SORCS1: variants seen among roughly 807,000 people sequenced by gnomAD.
SORCS1 encodes VPS10 domain-containing receptor SorCS1.
A neutral mutation model predicts 146.1 loss-of-function variants in SORCS1; 60 were observed. The ratio of observed to expected loss-of-function variants is 0.41; its 90% CI spans 0.33 to 0.51. SORCS1 has a LOEUF of 0.51. Among genes scored for constraint, SORCS1 ranks in the 20% least tolerant of loss-of-function variants. The probability of loss-of-function intolerance (pLI) is 0.21; values close to 1 mark genes in which losing one functional copy is unlikely to be tolerated. For missense variants in SORCS1, 1,352 were observed against 1,487.6 expected, an observed-to-expected ratio of 0.91 and a Z score of 1.50; for synonymous variants, 637 against 584.0, an observed-to-expected ratio of 1.09 and a Z score of -1.31.
chr10:106,921,793 C>A (rs971004799), intron 2 of SORCS1, among the ~76,000 whole-genome samples: 1 of 152,174 alleles, frequency 6.6e-6, no homozygotes, highest in Non-Finnish European at 1.5e-5. Context: ...ACCAGGTAAG[C>A]AAGCTGACAC....
intron 5 of SORCS1, among the ~76,000 whole-genome samples, chr10:106,741,795 G>A (rs936918691): frequency 4.6e-5 from 7 of 152,020 alleles, no homozygotes; most frequent in African/African-American, 1.4e-4. Flanking sequence ...TAAATAGCAG[G>A]GTTTCTAAGT....
At chr10:106,957,878 G>T (rs554408453) in intron 1 of SORCS1, among the ~76,000 whole-genome samples, 1 of 152,130 alleles carries the variant, frequency 6.6e-6, no homozygotes, top group Non-Finnish European at 1.5e-5. Flanking sequence ...TTTATTAGGA[G>T]CCCAGGATTT....
At chr10:106,847,913 C>T (rs1949372292) in intron 2 of SORCS1, among the ~76,000 whole-genome samples, 1 of 150,590 alleles carries the variant, frequency 6.6e-6, no homozygotes, top group African/African-American at 2.5e-5. Context: ...GATTCTTAAT[C>T]CTGAATTCTA....
chr10:106,730,488 C>T (rs1237687239), intron 5 of SORCS1, among the ~76,000 whole-genome samples: 2 of 152,176 alleles, frequency 1.3e-5, no homozygotes, highest in South Asian at 2.1e-4. Context: ...ACTTGATCAG[C>T]GATTCCCATA....
At chr10:106,742,383 C>T (rs57137309) in intron 5 of SORCS1, among the ~76,000 whole-genome samples, 33,309 of 151,776 alleles carry the variant, frequency 0.22, 4,546 homozygotes, top group East Asian at 0.48. Context: ...GATAATTTTA[C>T]ACAATTTTTT....
In SORCS1 at chr10:106,990,849, T is replaced by C. The variant is rs554562863; in HGVS notation, c.559-34269A>G. 4.2e-4 allele frequency among the ~76,000 whole-genome samples: 64 copies of C among 152,336 alleles called. 1 individual carries two copies. Among genetic ancestry groups the C allele is most frequent in the Admixed American group, 9.2e-4 (14 of 15,296 alleles). Reference sequence around the variant, plus strand: ...AAAATAAAATCTCATTAAAAGAGGTTGTAACTTAAGAAAATGTATAAATAC... The same window carrying C: ...AAAATAAAATCTCATTAAAAGAGGTCGTAACTTAAGAAAATGTATAAATAC... On this transcript the variant is annotated intron_variant, in intron 1 of 25. Transcript: ENST00000263054.
At chr10:107,067,844 T>A (rs1411947658) in intron 1 of SORCS1, among the ~76,000 whole-genome samples, 1 of 152,214 alleles carries the variant, frequency 6.6e-6, no homozygotes, top group Admixed American at 6.5e-5. Flanking sequence ...GATTACATAT[T>A]TGTTAAATAA....
chr10:107,114,828 T>G (rs1965916934), intron 1 of SORCS1, among the ~76,000 whole-genome samples: 2 of 152,088 alleles, frequency 1.3e-5, no homozygotes, highest in African/African-American at 4.8e-5. Context: ...TGTTTGCAGG[T>G]GTCATAATAT....
Position 106,597,431 on chromosome 10 carries a change from T to C in SORCS1, c.3185A>G (p.His1062Arg). The C allele has an allele frequency of 6.2e-7, 1 of 1,613,886 alleles. No homozygotes were observed. Among genetic ancestry groups the C allele is most frequent in the South Asian group, 1.1e-5 (1 of 91,066 alleles). Reference protein sequence around the residue: ...DLEQISELLIHTLNQNSVHFE... With the variant: ...DLEQISELLIRTLNQNSVHFE... ...GTGTACTGAGTTTTGGTTGAGCGTG[T>C]GGATCAGCAATTCTGATATCTGAAA... Residue 1062 changes from histidine to arginine, a missense_variant, in exon 24 of 26, where the codon CAC (histidine) becomes CGC (arginine). By Grantham distance (29) the His-to-Arg change is conservative. Transcript: ENST00000263054.
chr10:107,168,810 C>T (rs1444910064), upstream of SORCS1, among the ~76,000 whole-genome samples: 1 of 151,992 alleles, frequency 6.6e-6, no homozygotes, highest in Non-Finnish European at 1.5e-5. Context: ...TTCTTATTCC[C>T]AGTATGTTCT....
At chr10:106,735,810 T>C (rs144267915) in intron 5 of SORCS1, among the ~76,000 whole-genome samples, 4 of 152,280 alleles carry the variant, frequency 2.6e-5, no homozygotes, top group East Asian at 1.9e-4. Context: ...AAGGTAAGCG[T>C]ATACATTTAT....
intron 2 of SORCS1, among the ~76,000 whole-genome samples, chr10:106,905,278 G>C (rs1294087763): frequency 4.6e-5 from 7 of 152,002 alleles, no homozygotes; most frequent in Non-Finnish European, 1.0e-4. Context: ...AATTTATTTA[G>C]AAAATTAAGT....
intron 2 of SORCS1, among the ~76,000 whole-genome samples, chr10:106,886,231 C>G (rs998954691): frequency 4.6e-5 from 7 of 152,156 alleles, no homozygotes; most frequent in African/African-American, 1.7e-4. Context: ...CACTGCACTA[C>G]AGCCTGGGTG....
At chr10:106,634,828 T>A (rs1391414128) in intron 18 of SORCS1, among the ~76,000 whole-genome samples, 1 of 152,212 alleles carries the variant, frequency 6.6e-6, no homozygotes, top group East Asian at 1.9e-4. Flanking sequence ...TTGTGTATAA[T>A]TAATTGAAAA....
chr10:107,134,022 C>T (rs1167192422), intron 1 of SORCS1, among the ~76,000 whole-genome samples: 2 of 152,184 alleles, frequency 1.3e-5, no homozygotes, highest in East Asian at 3.9e-4. Flanking sequence ...AATTCTCTCC[C>T]TATGCACTGC....
At chr10:107,038,063 T>C (rs1958980568) in intron 1 of SORCS1, among the ~76,000 whole-genome samples, 1 of 152,210 alleles carries the variant, frequency 6.6e-6, no homozygotes, top group Admixed American at 6.5e-5. Context: ...CCTCAGGTGA[T>C]CTGCCCGCCT....
At chr10:106,697,235 C>T (rs549591138) in intron 9 of SORCS1, among the ~76,000 whole-genome samples, 10 of 152,142 alleles carry the variant, frequency 6.6e-5, no homozygotes, top group East Asian at 3.9e-4. Context: ...GAGGCCGAGG[C>T]GGGCAGATCA....
chr10:106,716,689 T>C (rs370770053), intron 6 of SORCS1, among the ~76,000 whole-genome samples: 235 of 152,336 alleles, frequency 1.5e-3, no homozygotes, highest in African/African-American at 5.2e-3. Context: ...CTGTGAACTT[T>C]TTCCTGGGGC....
intron 1 of SORCS1, among the ~76,000 whole-genome samples, chr10:106,962,622 T>C (rs1030723175): frequency 1.4e-4 from 21 of 152,124 alleles, no homozygotes; most frequent in African/African-American, 4.6e-4. Context: ...CTGAATAATG[T>C]AGATGATGAC....
Sources: gnomAD v4.1 joint callset for allele counts (sites outside exome capture counted in the v4.1 genomes callset) on GRCh38, gnomAD v4.1.1 for gene constraint, MANE v1.5 for transcripts, NCBI Gene and HGNC (gene_info 2026-07-23, HGNC 2026-07-21) for gene names.